Variants in KLHL12 observed in about 807,000 individuals in gnomAD.
KLHL12 encodes kelch-like protein 12.
Under a neutral mutation model 60.8 loss-of-function variants are expected in KLHL12, and 17 were observed. The observed-to-expected ratio is 0.28, with a 90% CI of 0.19 to 0.42. The LOEUF (loss-of-function observed/expected upper bound fraction) is 0.42, where lower values mean the gene tolerates loss of function less well. KLHL12 is among the 10% of genes least tolerant of loss of function. The pLI is 1.00. For synonymous variants in KLHL12, 220 were observed against 250.9 expected (o/e 0.88, Z 1.16); for missense variants, 468 against 722.3 (o/e 0.65, Z 4.04).
At chr1:202,916,498 A>G (rs1047093105) in intron 4 of KLHL12, among the ~76,000 whole-genome samples, 3 of 152,154 alleles carry the variant, frequency 2.0e-5, no homozygotes, top group African/African-American at 7.2e-5. Flanking sequence ...TACAAAAATT[A>G]GCTGGTGTAG....
chr1:202,913,339 T>C (rs868401430), intron 4 of KLHL12, among the ~76,000 whole-genome samples: 2 of 152,128 alleles, frequency 1.3e-5, no homozygotes, highest in Admixed American at 6.5e-5. Flanking sequence ...ACAGAGTACA[T>C]ATTCTGGGAG....
intron 6 of KLHL12, among the ~76,000 whole-genome samples, chr1:202,904,858 A>ACT (rs1660134205): frequency 2.0e-5 from 3 of 152,246 alleles, no homozygotes; most frequent in African/African-American, 7.2e-5. Flanking sequence ...ACAAATTAGA[A>ACT]AAGTAATTTC....
rs149390078 is a variant in KLHL12 at position 202,927,165 on chromosome 1, G to A, written c.-122C>T. On this transcript the variant is annotated 5_prime_UTR_variant, in exon 1 of 12. Coordinates refer to ENST00000367261, the MANE Select transcript of KLHL12 (RefSeq NM_021633.4). ...GATGGAGTGCGGCGCGGGGCTAGCA[G>A]GCGGCTCGGGAGGAGCCGAAGCGCC... The A allele has an allele frequency of 5.4e-5, 53 of 985,336 alleles. No individual in the cohort carries two copies. In the African/African-American group the frequency reaches 5.8e-4, roughly 11 times the overall value. 61.0% of individuals were successfully genotyped at this position (985,336 alleles called of 1,614,324 possible).
At chr1:202,927,519 C>CAAAAAAAAAAA (rs869139683), upstream of KLHL12, among the ~76,000 whole-genome samples, 8 of 52,758 alleles carry the variant, frequency 1.5e-4, no homozygotes, top group Admixed American at 5.4e-4. Context: ...CCCGTTTCTA[C>CAAAAAAAAAAA]AAAAAAAAAA....
chr1:202,921,065 C>G (rs1416221676), intron 2 of KLHL12, among the ~76,000 whole-genome samples: 2 of 152,048 alleles, frequency 1.3e-5, no homozygotes, highest in Non-Finnish European at 2.9e-5. Context: ...GGCTGGAGTG[C>G]AGTGGTGTGA....
At chr1:202,899,958 T>G (rs1390044304) in intron 6 of KLHL12, among the ~76,000 whole-genome samples, 1 of 152,102 alleles carries the variant, frequency 6.6e-6, no homozygotes, top group Non-Finnish European at 1.5e-5. Context: ...CACAAGTTAT[T>G]TGTTTCTTCT....
chr1:202,906,553 A>G (rs1660197630), intron 6 of KLHL12, among the ~76,000 whole-genome samples: 1 of 151,952 alleles, frequency 6.6e-6, no homozygotes, highest in African/African-American at 2.4e-5. Flanking sequence ...TCTTGTTAAG[A>G]CAAAAAGAGT....
Position 202,895,568 on chromosome 1 carries a change from G to A in KLHL12, c.1089C>T (p.Ala363=), listed in dbSNP as rs771118191. The part of the protein sequence containing the change: ...ADEDGVWYSV[A]PMNVRRGLAG... Reference sequence around the variant, plus strand: ...CAAGACCTCGTCGGACATTCATAGGGGCCACAGAATACCAGACCCCATCCT... The same window carrying A: ...CAAGACCTCGTCGGACATTCATAGGAGCCACAGAATACCAGACCCCATCCT... Residue 363 remains alanine, a synonymous_variant, in exon 8 of 12, where the codon GCC becomes GCT. Transcript: ENST00000367261. The surrounding 1 kb of genome is among the most constrained non-coding windows in gnomAD (Gnocchi z 4.2). The A allele has an allele frequency of 1.9e-6, 3 of 1,613,926 alleles. No homozygotes were observed. Among genetic ancestry groups the A allele is most frequent in the African/African-American group, 2.7e-5 (2 of 74,884 alleles).
intron 2 of KLHL12, among the ~76,000 whole-genome samples, chr1:202,923,543 T>C (rs1418031900): frequency 3.3e-5 from 5 of 152,198 alleles, no homozygotes; most frequent in Admixed American, 2.0e-4. Context: ...GATTGTAGTA[T>C]ATAAAATTCA....
rs1255753580 is a variant in KLHL12, at chr1:202,896,950, T to C, written c.843A>G (p.Glu281=). ...CAAAGCCCCCAACCACCAAAAGCAC[T>C]TCATTGGCTCCTGAAGACAAAGGCA... is the stretch of plus-strand genomic sequence containing the variant. ...PRTRARLGAN[E]VLLVVGGFGS... The change falls in exon 7 of 12, where the codon GAA becomes GAG. Residue 281 remains glutamate, a synonymous_variant. Transcript: ENST00000367261. 6.2e-7 allele frequency: 1 copy of C among 1,613,990 alleles called. No individual in the cohort carries two copies. Among genetic ancestry groups the C allele is most frequent in the South Asian group, 1.1e-5 (1 of 91,084 alleles).
chr1:202,895,816 C>A lies in KLHL12; in HGVS notation c.940-99G>T. 1.2e-6 allele frequency: 1 copy of A among 836,828 alleles called. No individual in the cohort carries two copies. The highest frequency in any genetic ancestry group is 2.5e-5 in the Admixed American group (1 of 40,524). 51.8% of individuals were successfully genotyped at this position (836,828 alleles called of 1,614,324 possible). On this transcript the variant is annotated intron_variant, in intron 7 of 11. Transcript: ENST00000367261. This position sits in a 1 kb window ranked among gnomAD's most constrained non-coding sequence, Gnocchi z 4.2. ...CCTGTTGTATCTGCACACCTCTCTG[C>A]TTCTTCACCTGTCATCATGAACCCT...
upstream of KLHL12, chr1:202,927,353 G>A: frequency 1.2e-6 from 1 of 836,388 alleles, no homozygotes; most frequent in South Asian, 5.4e-5. Context: ...ACCCTAGCGC[G>A]GGGCTTCTGT....
rs1660285037 is a variant in KLHL12, at chr1:202,909,248, C to T, written c.718-124G>A. 1.7e-6 allele frequency: 1 copy of T among 589,006 alleles called. No homozygotes were observed. The highest frequency in any genetic ancestry group is 2.7e-4 in the Middle Eastern group (1 of 3,708). The allele number at this position is 589,006 out of a possible 1,614,324, so 36.5% of individuals were successfully genotyped here. A position where few individuals can be genotyped will look rare whatever the true frequency, so the allele number is the denominator to read the frequency against. On this transcript the variant is annotated intron_variant, in intron 5 of 11. Coordinates refer to ENST00000367261, the MANE Select transcript of KLHL12 (RefSeq NM_021633.4). The surrounding 1 kb of genome is among the most constrained non-coding windows in gnomAD (Gnocchi z 4.1). ...AACCAGTTTGCAAAGCCCTGTGATT[C>T]CAGGAGTATTGCTGGTAGTAACCAT...
intron 3 of KLHL12, among the ~76,000 whole-genome samples, chr1:202,918,723 T>C (rs1031975531): frequency 6.6e-6 from 1 of 152,178 alleles, no homozygotes; most frequent in Non-Finnish European, 1.5e-5. Flanking sequence ...GAATTCAGCA[T>C]AATGTATCCA....
At chr1:202,926,501 T>C (rs893966666) in intron 1 of KLHL12, among the ~76,000 whole-genome samples, 2 of 152,186 alleles carry the variant, frequency 1.3e-5, no homozygotes, top group Non-Finnish European at 1.5e-5. Context: ...CATCAAAGCA[T>C]ATGTTTTTCA....
chr1:202,900,679 C>CA (rs1659979767), intron 6 of KLHL12, among the ~76,000 whole-genome samples: 1 of 152,178 alleles, frequency 6.6e-6, no homozygotes, highest in African/African-American at 2.4e-5. Flanking sequence ...GCCTGGCCAA[C>CA]ATGGTGAAAC....
At chr1:202,921,795 T>TA (rs1053379255) in intron 2 of KLHL12, among the ~76,000 whole-genome samples, 2 of 152,226 alleles carry the variant, frequency 1.3e-5, no homozygotes, top group African/African-American at 4.8e-5. Flanking sequence ...TCATTTTACT[T>TA]AAAAAACTCT....
At chr1:202,908,959 G>A (rs1276122126) in intron 6 of KLHL12, 51 bp downstream of exon 6, 2 of 1,135,682 alleles carry the variant, frequency 1.8e-6, no homozygotes. Context: ...GTTGTCACCT[G>A]CAAGAAGTAG....
intron 4 of KLHL12, among the ~76,000 whole-genome samples, chr1:202,913,479 A>G (rs999201504): frequency 6.6e-6 from 1 of 152,262 alleles, no homozygotes; most frequent in East Asian, 1.9e-4. Flanking sequence ...CTTAACTGCC[A>G]GGCACTGTCC....
Sources: gnomAD v4.1 joint callset for allele counts (sites outside exome capture counted in the v4.1 genomes callset) on GRCh38, gnomAD v4.1.1 for gene constraint, Gnocchi (gnomAD v3.1) non-coding constraint, MANE v1.5 for transcripts, NCBI Gene and HGNC (gene_info 2026-07-23, HGNC 2026-07-21) for gene names.